Variants in ATG9A observed in about 807,000 individuals in gnomAD.
ATG9A encodes autophagy-related protein 9A.
ATG9A carries 21 observed loss-of-function variants against 87.1 expected under a neutral mutation model. The ratio of observed to expected loss-of-function variants is 0.24; its 90% CI spans 0.17 to 0.35. The LOEUF is 0.35. Among genes scored for constraint, ATG9A ranks in the 10% least tolerant of loss-of-function variants. The pLI is 1.00. For missense variants in ATG9A, 836 were observed against 1,107.3 expected (o/e 0.76, Z 3.48); for synonymous variants, 422 against 441.3 (o/e 0.96, Z 0.55).
chr2:219,221,058 C>A, intron 14 of ATG9A, 22 bp downstream of exon 14: 1 of 1,610,808 alleles, frequency 6.2e-7, no homozygotes, highest in Non-Finnish European at 8.5e-7. Flanking sequence ...CCTCTGTTTC[C>A]TCCTATACCC....
Position 219,220,449 on chromosome 2 carries a change from A to G in ATG9A, c.2518T>C (p.Ter840GlnextTer200). Reference protein sequence around the residue: ...DELPPQVHKV* With the variant: ...DELPPQVHKVQ ...ACAGGAACCCTGCTCAGCCTTGTCT[A>G]TACCTGTGGGGAGAAAGGGTTGGTA... The change falls in exon 16 of 16, where the codon TAG becomes CAG. Residue 840 changes from the stop codon to glutamine, a stop_lost. Transcript: ENST00000361242. The G allele has an allele frequency of 6.2e-7, 1 of 1,613,786 alleles. No homozygotes were observed. Among genetic ancestry groups the G allele is most frequent in the Non-Finnish European group, 8.5e-7 (1 of 1,179,756 alleles).
chr2:219,222,914 T>A lies in ATG9A; in HGVS notation c.1600-21A>T. 1 of 1,612,718 alleles carries A rather than the reference T, an allele frequency of 6.2e-7. No individual in the cohort carries two copies. Among genetic ancestry groups the A allele is most frequent in the Non-Finnish European group, 8.5e-7 (1 of 1,179,428 alleles). Reference sequence around the variant, plus strand: ...AGCCACTGCACAAGGAAGAGCAGAGTAAGCAGGGCTGTTCTCTTCCAGGAG... The same window carrying A: ...AGCCACTGCACAAGGAAGAGCAGAGAAAGCAGGGCTGTTCTCTTCCAGGAG... On this transcript the variant is annotated intron_variant, in intron 10 of 15. Transcript: ENST00000361242. The surrounding 1 kb of genome is among the most constrained non-coding windows in gnomAD (Gnocchi z 4.3).
Position 219,219,992 on chromosome 2 carries a change from G to A in ATG9A, c.*455C>T, listed in dbSNP as rs1017961406. 1 of 188,124 alleles carries A rather than the reference G, an allele frequency of 5.3e-6. No individual in the cohort carries two copies. Among genetic ancestry groups the A allele is most frequent in the Non-Finnish European group, 1.1e-5 (1 of 89,308 alleles). The allele number at this position is 188,124 out of a possible 1,614,324, so 11.7% of individuals were successfully genotyped here. ...GGGCGAGAACTGCGGGTGAGGTAAG[G>A]GCCACAGCCTGACCTGCTCATCTAT... On this transcript the variant is annotated 3_prime_UTR_variant, in exon 16 of 16. Transcript: ENST00000361242.
In ATG9A at chr2:219,229,143, C is replaced by G. The variant is rs1950943368; in HGVS notation, c.-82+392G>C. On this transcript the variant is annotated intron_variant, in intron 1 of 15. Transcript: ENST00000361242. This position sits in a 1 kb window ranked among gnomAD's most constrained non-coding sequence, Gnocchi z 4.2. ...TCAGTGTGGACCAGGGCCCGTGGAG[C>G]CCCGGCCGGCTGGGCCTGGGCTCAG... is the stretch of plus-strand genomic sequence containing the variant. The G allele has an allele frequency of 6.6e-6, 1 of 152,186 alleles. No homozygotes were observed. The highest frequency in any genetic ancestry group is 2.4e-5 in the African/African-American group (1 of 41,446). The allele number at this position is 152,186 out of a possible 1,614,324, so 9.4% of individuals were successfully genotyped here.
chr2:219,229,615 C>G lies in ATG9A; in HGVS notation c.-162G>C, dbSNP rs890774746. 5 of 152,752 alleles carry G rather than the reference C, an allele frequency of 3.3e-5. 1 individual carries two copies. The highest frequency in any genetic ancestry group is 1.2e-4 in the African/African-American group (5 of 41,456). The allele number at this position is 152,752 out of a possible 1,614,324, so 9.5% of individuals were successfully genotyped here. A position where few individuals can be genotyped will look rare whatever the true frequency, so the allele number is the denominator to read the frequency against. ...GCTCGGCTCGGCGCGACCCGCGGCG[C>G]TAGGCCGGGTGTCTGCCACTCACTG... On this transcript the variant is annotated 5_prime_UTR_variant, in exon 1 of 16. Coordinates refer to ENST00000361242, the MANE Select transcript of ATG9A (RefSeq NM_001077198.3). This position sits in a 1 kb window ranked among gnomAD's most constrained non-coding sequence, Gnocchi z 4.2.
In ATG9A at chr2:219,225,654, G is replaced by A. The variant is rs892045799; in HGVS notation, c.213-82C>T. 45 of 1,476,522 alleles carry A rather than the reference G, an allele frequency of 3.0e-5. 1 individual carries two copies. The highest frequency in any genetic ancestry group is 4.2e-5 in the Non-Finnish European group (45 of 1,082,446). The allele number at this position is 1,476,522 out of a possible 1,614,324, so 91.5% of individuals were successfully genotyped here. A position where few individuals can be genotyped will look rare whatever the true frequency, so the allele number is the denominator to read the frequency against. On this transcript the variant is annotated intron_variant, in intron 5 of 15. Transcript: ENST00000361242. ...CCAGTGGGAAGAGGAGAGTCTGGAG[G>A]TGGCAGAACAAGACTGGGAACTGGA...
chr2:219,226,961 T>C lies in ATG9A; in HGVS notation c.148-28A>G, dbSNP rs373005132. On this transcript the variant is annotated intron_variant, in intron 4 of 15. Coordinates refer to ENST00000361242, the MANE Select transcript of ATG9A (RefSeq NM_001077198.3). Reference sequence around the variant, plus strand: ...GTAATTGTTAAGAAAAAGTAGTCAGTAAAGAAAGCAGGTAAGAGCACAGAC... The same window carrying C: ...GTAATTGTTAAGAAAAAGTAGTCAGCAAAGAAAGCAGGTAAGAGCACAGAC... 5.0e-6 allele frequency: 8 copies of C among 1,587,316 alleles called. No homozygotes were observed. The African/African-American group carries it at 1.1e-4, about 21-fold the overall frequency.
chr2:219,225,816 C>G (rs1344556393), intron 5 of ATG9A, among the ~76,000 whole-genome samples: 2 of 152,250 alleles, frequency 1.3e-5, no homozygotes, highest in Non-Finnish European at 2.9e-5. Flanking sequence ...TCAGCCACCA[C>G]TACTGGACTC....
chr2:219,223,848 C>G lies in ATG9A; in HGVS notation c.1419+21G>C. 6.2e-7 allele frequency: 1 copy of G among 1,614,090 alleles called. No homozygotes were observed. ...AGCTACCAGCCAGTCTCTAGCAGGCCCTAACTCCAACTCCACTCACTGCCT... is the reference window on the plus strand; with the variant it reads ...AGCTACCAGCCAGTCTCTAGCAGGCGCTAACTCCAACTCCACTCACTGCCT... On this transcript the variant is annotated intron_variant, in intron 9 of 15. Transcript: ENST00000361242. This position sits in a 1 kb window ranked among gnomAD's most constrained non-coding sequence, Gnocchi z 4.7.
In ATG9A at chr2:219,221,093, G is replaced by A. The variant is rs758970707; in HGVS notation, c.2355C>T (p.Tyr785=). The A allele has an allele frequency of 3.0e-5, 49 of 1,612,788 alleles. No homozygotes were observed. Among genetic ancestry groups the A allele is most frequent in the South Asian group, 9.9e-5 (9 of 90,926 alleles). The change falls in exon 14 of 16, where the codon TAC becomes TAT. Residue 785 remains tyrosine, a synonymous_variant. Coordinates refer to ENST00000361242, the MANE Select transcript of ATG9A (RefSeq NM_001077198.3). Reference sequence around the variant, plus strand: ...CCCACTGGATACCTGTGATGCCACCGTAGCGCCTCTGGAAGCCCCCATGCA... The same window carrying A: ...CCCACTGGATACCTGTGATGCCACCATAGCGCCTCTGGAAGCCCCCATGCA... ...TALHGGFQRR[Y]GGITDPGTVP...
intron 1 of ATG9A, chr2:219,228,788 G>A (rs533343221): frequency 6.6e-6 from 1 of 152,392 alleles, no homozygotes; most frequent in East Asian, 1.9e-4. Context: ...CTTAGCCTCA[G>A]AAATGACATA....
chr2:219,226,545 G>T (rs75174102), intron 5 of ATG9A, among the ~76,000 whole-genome samples: 1 of 152,022 alleles, frequency 6.6e-6, no homozygotes, highest in African/African-American at 2.4e-5. Flanking sequence ...AAAATTAGCC[G>T]GGCATGGTGG....
In ATG9A at chr2:219,226,758, T is replaced by A. The variant is rs552615338; in HGVS notation, c.212+111A>T. 44 of 1,007,366 alleles carry A rather than the reference T, an allele frequency of 4.4e-5. 1 individual carries two copies. In the South Asian group the frequency reaches 5.6e-4, roughly 13 times the overall value. 62.4% of individuals were successfully genotyped at this position (1,007,366 alleles called of 1,614,324 possible). On this transcript the variant is annotated intron_variant, in intron 5 of 15. Transcript: ENST00000361242. ...CCCTGAACTACAAAGGTTTACGGAG[T>A]TTTAGCCTAGGACTGAGTTGTACTG... is the stretch of plus-strand genomic sequence containing the variant.
intron 4 of ATG9A, among the ~76,000 whole-genome samples, 170 bp from the exon 5 acceptor site, chr2:219,227,103 T>C (rs1013157623): frequency 6.6e-6 from 1 of 152,256 alleles, no homozygotes; most frequent in African/African-American, 2.4e-5. Flanking sequence ...ACATTAGGAA[T>C]AAATAACACT....
At chr2:219,220,704 G>A (rs1229631967) in intron 15 of ATG9A, 43 bp downstream of exon 15, 7 of 1,602,862 alleles carry the variant, frequency 4.4e-6, no homozygotes, top group Non-Finnish European at 5.1e-6. Flanking sequence ...CACCCTGGAA[G>A]TTACTATTTC....
chr2:219,221,213 T>G lies in ATG9A; in HGVS notation c.2235A>C (p.Glu745Asp). The change falls in exon 14 of 16, where the codon GAA (glutamate) becomes GAC (aspartate). Residue 745 changes from glutamate to aspartate, a missense_variant. Transcript: ENST00000361242. ...GGGGGGCCCGGGCGCCCTCTCCCCC[T>G]TCATCAGGGGCGCTTTCTCCACTCT... ...SDESGESAPD[E>D]GGEGARAPQS... 1.3e-6 allele frequency: 2 copies of G among 1,590,478 alleles called. No homozygotes were observed. Among genetic ancestry groups the G allele is most frequent in the Non-Finnish European group, 1.7e-6 (2 of 1,168,646 alleles).
At chr2:219,226,076 G>T (rs147121956) in intron 5 of ATG9A, among the ~76,000 whole-genome samples, 1 of 152,088 alleles carries the variant, frequency 6.6e-6, no homozygotes, top group Admixed American at 6.5e-5. Context: ...AACAATGTAC[G>T]TTCCATTGGA....
chr2:219,226,926 T>C lies in ATG9A; in HGVS notation c.155A>G (p.Asn52Ser). 2 of 1,613,470 alleles carry C rather than the reference T, an allele frequency of 1.2e-6. No homozygotes were observed. The highest frequency in any genetic ancestry group is 1.7e-6 in the Non-Finnish European group (2 of 1,179,350). The change falls in exon 5 of 16, where the codon AAT becomes AGT. Residue 52 changes from asparagine to serine, a missense_variant. This residue lies in a region of ATG9A where 512 missense variants were observed against 759.6 expected (regional missense o/e 0.67). Coordinates refer to ENST00000361242, the MANE Select transcript of ATG9A (RefSeq NM_001077198.3). ...NLDLFFSRVY[N>S]LHQKNGFTCM... ...TGTGAAGCCATTCTTCTGGTGCAGATTATAAACGTGTAATTGTTAAGAAAA... is the reference window on the plus strand; with the variant it reads ...TGTGAAGCCATTCTTCTGGTGCAGACTATAAACGTGTAATTGTTAAGAAAA...
intron 5 of ATG9A, among the ~76,000 whole-genome samples, chr2:219,226,639 G>T (rs1395944448): frequency 6.6e-6 from 1 of 152,092 alleles, no homozygotes; most frequent in East Asian, 1.9e-4. Context: ...ACCGAGCCAA[G>T]ACCACTGCAC....
Sources: allele counts gnomAD v4.1 joint callset (sites outside exome capture counted in the v4.1 genomes callset), GRCh38; gene constraint gnomAD v4.1.1; regional missense constraint gnomAD v4.1.1; non-coding constraint Gnocchi (gnomAD v3.1); transcripts MANE v1.5; gene names NCBI Gene and HGNC (gene_info 2026-07-23, HGNC 2026-07-21).